Variants in TSPAN7 observed in about 807,000 individuals in gnomAD.
TSPAN7 encodes tetraspanin-7.
A neutral mutation model predicts 17.6 loss-of-function variants in TSPAN7; 1 was observed. The observed-to-expected ratio is 0.06, with a 90% CI of 0.02 to 0.27. The LOEUF (loss-of-function observed/expected upper bound fraction) is 0.27, where lower values mean the gene tolerates loss of function less well. Ranked by LOEUF, TSPAN7 falls within the 10% of genes least tolerant of loss-of-function variation. TSPAN7 has a pLI of 1.00. For missense variants in TSPAN7, 112 were observed against 201.7 expected (o/e 0.56, Z 2.69); for synonymous variants, 78 against 79.0 (o/e 0.99, Z 0.07).
intron 1 of TSPAN7, among the ~76,000 whole-genome samples, chrX:38,639,452 T>C (rs956495343): frequency 9.7e-6 from 1 of 103,386 alleles, no homozygotes; most frequent in Non-Finnish European, 2.0e-5. Context: ...TTTTCCCTTC[T>C]GCCTGGAATA....
At chrX:38,666,411 C>CT in intron 2 of TSPAN7, 102 bp downstream of exon 2, 2 of 895,043 alleles carry the variant, frequency 2.2e-6, no homozygotes, top group Non-Finnish European at 3.2e-6. Context: ...CAGACAAGAC[C>CT]TTAACAATTT....
chrX:38,675,707 G>C lies in TSPAN7; in HGVS notation c.444G>C (p.Leu148=), dbSNP rs750185371. 1 of 1,210,870 alleles carries C rather than the reference G, an allele frequency of 8.3e-7. No homozygotes were observed. The highest frequency in any genetic ancestry group is 3.0e-5 in the East Asian group (1 of 33,764). ...TCTTTTCCTTTCCCTGTTAATAGCT[G>C]AGCTGCTGTGGTGTGCAGAACTACA... ...SRAVDHVQRS[L]SCCGVQNYTN... Residue 148 remains leucine, a splice_region_variant and synonymous_variant, in exon 5 of 8, where the codon CTG becomes CTC. Transcript: ENST00000378482.
intron 1 of TSPAN7, among the ~76,000 whole-genome samples, chrX:38,632,677 A>G (rs1490141517): frequency 1.8e-5 from 2 of 112,634 alleles, no homozygotes; most frequent in African/African-American, 6.4e-5. Context: ...ACTGTCAGGA[A>G]GATGTCTCTA....
At chrX:38,666,429 G>A in intron 2 of TSPAN7, 120 bp downstream of exon 2, 3 of 763,531 alleles carry the variant, frequency 3.9e-6, no homozygotes, top group Non-Finnish European at 5.8e-6. Flanking sequence ...TTTCAGTCCA[G>A]ACTCTTTCCT....
intron 1 of TSPAN7, among the ~76,000 whole-genome samples, chrX:38,654,075 G>T (rs2069689685): frequency 8.9e-6 from 1 of 111,952 alleles, no homozygotes; most frequent in Admixed American, 9.5e-5. Flanking sequence ...AAGGGTTGAG[G>T]AGAAAGAACC....
At chrX:38,589,119 G>T (rs2069275822) in intron 1 of TSPAN7, among the ~76,000 whole-genome samples, 1 of 111,775 alleles carries the variant, frequency 8.9e-6, no homozygotes, top group South Asian at 3.7e-4. Flanking sequence ...TTTCTATTTG[G>T]TATTGCTCAA....
intron 1 of TSPAN7, among the ~76,000 whole-genome samples, chrX:38,629,772 G>GA (rs1477279370): frequency 9.0e-6 from 1 of 111,573 alleles, no homozygotes; most frequent in Non-Finnish European, 1.9e-5. Context: ...GGGCTTTTTA[G>GA]AAAAAAAGTC....
chrX:38,642,869 A>G (rs1421676091), intron 1 of TSPAN7, among the ~76,000 whole-genome samples: 1 of 110,988 alleles, frequency 9.0e-6, no homozygotes, highest in Non-Finnish European at 1.9e-5. Flanking sequence ...TAGGATTATT[A>G]TAAGGGTTGA....
chrX:38,583,396 G>T (rs777311358), intron 1 of TSPAN7, among the ~76,000 whole-genome samples: 1 of 111,653 alleles, frequency 9.0e-6, no homozygotes, highest in African/African-American at 3.3e-5. Context: ...ATGTTGTATC[G>T]TAATCATTTG....
chrX:38,619,048 C>T (rs58105414), intron 1 of TSPAN7, among the ~76,000 whole-genome samples: 34,155 of 110,300 alleles, frequency 0.31, 4,070 homozygotes, highest in East Asian at 0.65. Context: ...CCAATTTTGC[C>T]AGAAATGTCA....
At chrX:38,652,700 G>T (rs890750799) in intron 1 of TSPAN7, among the ~76,000 whole-genome samples, 1 of 112,362 alleles carries the variant, frequency 8.9e-6, no homozygotes, top group African/African-American at 3.2e-5. Flanking sequence ...GGCACGGGAG[G>T]CCCGTCCCAG....
intron 1 of TSPAN7, among the ~76,000 whole-genome samples, chrX:38,648,845 G>A (rs1275419777): frequency 9.3e-6 from 1 of 107,372 alleles, no homozygotes; most frequent in African/African-American, 3.4e-5. Flanking sequence ...ACTTGAGCCC[G>A]GGAGGTGGAG....
intron 6 of TSPAN7, among the ~76,000 whole-genome samples, chrX:38,684,411 A>G (rs2069913279): frequency 1.8e-5 from 2 of 111,018 alleles, no homozygotes; most frequent in Non-Finnish European, 1.9e-5. Flanking sequence ...CAGAAGGTTG[A>G]GTGTGTTTAG....
At chrX:38,586,082 C>CTGAATCT (rs2147403018) in intron 1 of TSPAN7, among the ~76,000 whole-genome samples, 1 of 112,814 alleles carries the variant, frequency 8.9e-6, no homozygotes, top group South Asian at 3.6e-4. Flanking sequence ...CTTTGCTTCT[C>CTGAATCT]TGAATCTTGC....
intron 1 of TSPAN7, among the ~76,000 whole-genome samples, chrX:38,617,113 A>G (rs1238916561): frequency 8.9e-6 from 1 of 111,900 alleles, no homozygotes; most frequent in Non-Finnish European, 1.9e-5. Context: ...AGAAAACTTT[A>G]TCTACAAAGA....
intron 1 of TSPAN7, among the ~76,000 whole-genome samples, chrX:38,599,104 G>C (rs1035034824): frequency 1.5e-4 from 17 of 111,393 alleles, no homozygotes; most frequent in African/African-American, 5.2e-4. Flanking sequence ...ACCCAGGATT[G>C]CATGACAGGA....
At chrX:38,605,716 T>C (rs1304347962) in intron 1 of TSPAN7, among the ~76,000 whole-genome samples, 1 of 109,847 alleles carries the variant, frequency 9.1e-6, no homozygotes, top group Non-Finnish European at 1.9e-5. Flanking sequence ...AACAGAGATA[T>C]AGATCAATGG....
intron 1 of TSPAN7, among the ~76,000 whole-genome samples, chrX:38,662,695 G>T (rs1157538228): frequency 9.0e-6 from 1 of 111,601 alleles, no homozygotes; most frequent in Non-Finnish European, 1.9e-5. Flanking sequence ...CCAGAGAATA[G>T]CTGTTTTCCT....
chrX:38,646,275 C>G, intron 1 of TSPAN7: 1 of 1,153,508 alleles, frequency 8.7e-7, no homozygotes, highest in Non-Finnish European at 1.1e-6. Context: ...GAAAAGGCTG[C>G]AGGATTTTGT....
Sources: gnomAD v4.1 joint callset for allele counts (sites outside exome capture counted in the v4.1 genomes callset) on GRCh38, gnomAD v4.1.1 for gene constraint, MANE v1.5 for transcripts, NCBI Gene and HGNC (gene_info 2026-07-23, HGNC 2026-07-21) for gene names.